Variants in HMBOX1 observed in about 807,000 individuals in gnomAD.
HMBOX1 encodes homeobox containing 1.
HMBOX1 carries 14 observed loss-of-function variants against 54.5 expected under a neutral mutation model. The ratio of observed to expected loss-of-function variants is 0.26; its 90% CI spans 0.17 to 0.40. The LOEUF (loss-of-function observed/expected upper bound fraction) is 0.40, where lower values mean the gene tolerates loss of function less well. HMBOX1 is among the 10% of genes least tolerant of loss of function. The pLI is 1.00. For missense variants in HMBOX1, 332 were observed against 514.4 expected (o/e 0.65, Z 3.43); for synonymous variants, 160 against 181.0 (o/e 0.88, Z 0.93).
At chr8:28,938,824 A>G (rs570597630) in intron 1 of HMBOX1, among the ~76,000 whole-genome samples, 1 of 152,156 alleles carries the variant, frequency 6.6e-6, no homozygotes, top group East Asian at 1.9e-4. Flanking sequence ...AATTCACCCC[A>G]AAAAGCCTAG....
At chr8:28,930,228 T>TC (rs1031831031) in intron 1 of HMBOX1, among the ~76,000 whole-genome samples, 9 of 152,144 alleles carry the variant, frequency 5.9e-5, no homozygotes, top group African/African-American at 2.2e-4. Flanking sequence ...AATTCTGCCA[T>TC]CCTTCTCCTA....
chr8:28,897,118 T>G (rs769330462), intron 1 of HMBOX1, among the ~76,000 whole-genome samples: 2 of 151,958 alleles, frequency 1.3e-5, no homozygotes, highest in East Asian at 3.9e-4. Context: ...CCTGAGTAGC[T>G]GGGATTATGG....
intron 1 of HMBOX1, among the ~76,000 whole-genome samples, chr8:28,952,209 A>G (rs933924083): frequency 6.6e-6 from 1 of 151,736 alleles, no homozygotes; most frequent in African/African-American, 2.4e-5. Context: ...ACCATATCCA[A>G]CTGGAATCAG....
chr8:28,933,968 T>G (rs1452824847), intron 1 of HMBOX1, among the ~76,000 whole-genome samples: 1 of 152,172 alleles, frequency 6.6e-6, no homozygotes, highest in Non-Finnish European at 1.5e-5. Context: ...ACTTCTCAAC[T>G]CATGAGGCCA....
chr8:28,924,722 C>T (rs749806925), intron 1 of HMBOX1: 1 of 152,378 alleles, frequency 6.6e-6, no homozygotes, highest in Non-Finnish European at 1.5e-5. Flanking sequence ...AAGTGATTCT[C>T]CTGCCTCAGC....
intron 4 of HMBOX1, among the ~76,000 whole-genome samples, chr8:28,988,159 A>AT (rs1309067411): frequency 3.1e-4 from 47 of 152,350 alleles, no homozygotes; most frequent in African/African-American, 1.1e-3. Context: ...CTAGAATTTC[A>AT]TATCAGTGGA....
chr8:29,039,345 T>G lies in HMBOX1; in HGVS notation c.852-6016T>G, dbSNP rs116460417. Among the ~76,000 whole-genome samples, 987 of 152,280 alleles carry G rather than the reference T, an allele frequency of 6.5e-3. 14 individuals carry two copies. Among genetic ancestry groups the G allele is most frequent in the African/African-American group, 0.022 (929 of 41,560 alleles). On this transcript the variant is annotated intron_variant, in intron 6 of 9. Coordinates refer to ENST00000287701, the MANE Select transcript of HMBOX1 (RefSeq NM_001135726.3). The stretch of plus-strand genomic sequence containing the variant: ...TTTCCCGACTTCGTTGGCAGCTCAT[T>G]TTGGTTATATATAGCTCAGAAATAA...
At chr8:29,001,723 A>T (rs986338055) in intron 4 of HMBOX1, among the ~76,000 whole-genome samples, 1 of 152,236 alleles carries the variant, frequency 6.6e-6, no homozygotes, top group African/African-American at 2.4e-5. Flanking sequence ...ATCAAAACTC[A>T]TTGAACTATA....
intron 5 of HMBOX1, among the ~76,000 whole-genome samples, chr8:29,015,372 G>A (rs903881036): frequency 6.6e-6 from 1 of 152,120 alleles, no homozygotes; most frequent in Non-Finnish European, 1.5e-5. Context: ...ACAAGGGTCA[G>A]CCCCTGGACA....
chr8:29,032,563 G>A (rs1029349234), intron 6 of HMBOX1, among the ~76,000 whole-genome samples: 1 of 151,852 alleles, frequency 6.6e-6, no homozygotes, highest in Non-Finnish European at 1.5e-5. Context: ...TATTATAAAG[G>A]TGCATTGCTA....
At chr8:28,928,501 C>T (rs1818937108) in intron 1 of HMBOX1, among the ~76,000 whole-genome samples, 1 of 152,086 alleles carries the variant, frequency 6.6e-6, no homozygotes, top group African/African-American at 2.4e-5. Context: ...ATATAAGAGC[C>T]AGCAATCCCA....
intron 1 of HMBOX1, among the ~76,000 whole-genome samples, chr8:28,907,326 G>A (rs1469100673): frequency 1.3e-5 from 2 of 152,184 alleles, no homozygotes; most frequent in African/African-American, 2.4e-5. Flanking sequence ...TATTGCCAGG[G>A]TAGAGCTCAG....
intron 1 of HMBOX1, among the ~76,000 whole-genome samples, chr8:28,925,197 G>C (rs888500808): frequency 6.6e-6 from 1 of 152,178 alleles, no homozygotes; most frequent in East Asian, 1.9e-4. Context: ...TCAGGTTTTA[G>C]TAGAACACAG....
chr8:29,008,087 G>A (rs558900102), intron 4 of HMBOX1, among the ~76,000 whole-genome samples: 7 of 152,148 alleles, frequency 4.6e-5, no homozygotes, highest in African/African-American at 1.7e-4. Context: ...AGTAATATTC[G>A]GTTACCCTCA....
intron 1 of HMBOX1, among the ~76,000 whole-genome samples, chr8:28,907,127 G>A (rs544767875): frequency 7.2e-5 from 11 of 152,284 alleles, no homozygotes; most frequent in South Asian, 6.2e-4. Flanking sequence ...CGTCTATATA[G>A]GGTTCATTTT....
chr8:28,903,629 C>T (rs981856667), intron 1 of HMBOX1, among the ~76,000 whole-genome samples: 1 of 152,278 alleles, frequency 6.6e-6, no homozygotes, highest in East Asian at 1.9e-4. Flanking sequence ...TCTCATTTGG[C>T]ACTTGATCAG....
At chr8:29,009,530 T>G (rs1387256057) in intron 5 of HMBOX1, 2 of 833,740 alleles carry the variant, frequency 2.4e-6, no homozygotes, top group Non-Finnish European at 2.9e-6. Flanking sequence ...TCTCTTTTTT[T>G]TTTTTTTTTT....
At chr8:28,991,947 TG>T (rs745937334) in intron 4 of HMBOX1, among the ~76,000 whole-genome samples, 1 of 152,238 alleles carries the variant, frequency 6.6e-6, no homozygotes, top group Non-Finnish European at 1.5e-5. Context: ...AACTGTTTTA[TG>T]TACTTGAGAA....
intron 1 of HMBOX1, among the ~76,000 whole-genome samples, chr8:28,925,230 T>C (rs1277988869): frequency 6.6e-6 from 1 of 152,202 alleles, no homozygotes; most frequent in Non-Finnish European, 1.5e-5. Flanking sequence ...TGTTGGTGTA[T>C]TGTCTGTGGT....
Sources: allele counts gnomAD v4.1 joint callset (sites outside exome capture counted in the v4.1 genomes callset), GRCh38; gene constraint gnomAD v4.1.1; transcripts MANE v1.5; gene names NCBI Gene and HGNC (gene_info 2026-07-23, HGNC 2026-07-21).